Variants in PLEKHA8 observed in about 807,000 individuals in gnomAD.
The protein encoded by PLEKHA8 is pleckstrin homology domain containing A8.
In PLEKHA8, 36 loss-of-function variants were observed where a neutral mutation model predicts 68.2. The observed-to-expected ratio is 0.53, with a 90% CI of 0.40 to 0.70. The LOEUF is 0.70. PLEKHA8 is among the 30% of genes least tolerant of loss of function. PLEKHA8 has a pLI of 0.00. For missense variants in PLEKHA8, 505 were observed against 615.4 expected (o/e 0.82, Z 1.90); for synonymous variants, 211 against 216.1 (o/e 0.98, Z 0.20).
chr7:30,069,822 T>A (rs1223130715), intron 12 of PLEKHA8: 1 of 152,150 alleles, frequency 6.6e-6, no homozygotes, highest in African/African-American at 2.4e-5. Flanking sequence ...AGGAAAAGAA[T>A]TAGGCAAGGT....
Position 30,061,879 on chromosome 7 carries a change from T to A in PLEKHA8, c.1099-18T>A, listed in dbSNP as rs773574690. 6.2e-7 allele frequency: 1 copy of A among 1,613,152 alleles called. No homozygotes were observed. Among genetic ancestry groups the A allele is most frequent in the South Asian group, 1.1e-5 (1 of 91,004 alleles). ...TTCAGCATTTTAAACTTAGGTTGTTTCCCTGCTTTCCCTCCAGAAAGTAAA... is the reference window on the plus strand; with the variant it reads ...TTCAGCATTTTAAACTTAGGTTGTTACCCTGCTTTCCCTCCAGAAAGTAAA... On this transcript the variant is annotated intron_variant, in intron 10 of 13. Coordinates refer to ENST00000449726, the MANE Select transcript of PLEKHA8 (RefSeq NM_001197026.2).
intron 2 of PLEKHA8, among the ~76,000 whole-genome samples, chr7:30,045,986 G>A (rs1292347948): frequency 6.6e-6 from 1 of 152,214 alleles, no homozygotes; most frequent in African/African-American, 2.4e-5. Context: ...TTTTTGTGAT[G>A]CCTTGGAGGC....
intron 1 of PLEKHA8, among the ~76,000 whole-genome samples, chr7:30,034,734 G>A (rs534532799): frequency 1.3e-5 from 2 of 152,138 alleles, no homozygotes; most frequent in Non-Finnish European, 2.9e-5. Flanking sequence ...AAGAAAATCC[G>A]CATGTGCACG....
Position 30,052,725 on chromosome 7 carries a change from A to G in PLEKHA8, c.655A>G (p.Thr219Ala). The change falls in exon 7 of 14, where the codon ACT (threonine) becomes GCT (alanine). Residue 219 changes from threonine (T) to alanine (A), a missense_variant. Physicochemically the swap from Thr to Ala is moderately conservative, Grantham distance 58. Coordinates refer to ENST00000449726, the MANE Select transcript of PLEKHA8 (RefSeq NM_001197026.2). ...NSLERQMELSTCENGSLNMEI... is the reference protein window; with the variant it reads ...NSLERQMELSACENGSLNMEI... ...AATTTGCAGGCAAATGGAGTTGAGC[A>G]CTTGTGAAAATGGATCTTTAAATAT... is the stretch of plus-strand genomic sequence containing the variant. 6.4e-7 allele frequency: 1 copy of G among 1,554,250 alleles called. No individual in the cohort carries two copies. The highest frequency in any genetic ancestry group is 1.4e-5 in the African/African-American group (1 of 70,980).
At chr7:30,071,221 T>C (rs1469941346) in intron 12 of PLEKHA8, among the ~76,000 whole-genome samples, 33 of 152,212 alleles carry the variant, frequency 2.2e-4, no homozygotes, top group Non-Finnish European at 5.9e-5. Flanking sequence ...CACTGTGCCT[T>C]AGGTGGAAGA....
At chr7:30,064,208 G>A (rs1197605546) in intron 12 of PLEKHA8, among the ~76,000 whole-genome samples, 1 of 152,080 alleles carries the variant, frequency 6.6e-6, no homozygotes, top group Non-Finnish European at 1.5e-5. Flanking sequence ...CAAGGTGGTT[G>A]TAAATATTAA....
At position 30,028,889 on chromosome 7, in the gene PLEKHA8, G is replaced by A. The variant is rs371389808; in HGVS notation, c.40+87G>A. ...GGGCGGTGTCTGGACCCGTCTTAGG[G>A]AGGGGGTCACGGCCCTTTCCTGAGG... On this transcript the variant is annotated intron_variant, in intron 1 of 13. Transcript: ENST00000449726. 7.9e-5 allele frequency: 96 copies of A among 1,215,238 alleles called. 1 individual carries two copies. In the African/African-American group the frequency reaches 1.3e-3, roughly 17 times the overall value. 75.3% of individuals were successfully genotyped at this position (1,215,238 alleles called of 1,614,324 possible). A position where few individuals can be genotyped will look rare whatever the true frequency, so the allele number is the denominator to read the frequency against.
In PLEKHA8 at chr7:30,049,465, T is replaced by C. The variant is rs910461540; in HGVS notation, c.597+83T>C. On this transcript the variant is annotated intron_variant, in intron 5 of 13. Transcript: ENST00000449726. ...TAGTGAGTTATGTTCTCTATTACCC[T>C]TTAGTGACTTATAAAGACAGTTTTT... 4 of 1,495,278 alleles carry C rather than the reference T, an allele frequency of 2.7e-6. No individual in the cohort carries two copies. The East Asian group carries it at 7.0e-5, about 26-fold the overall frequency. 92.6% of individuals were successfully genotyped at this position (1,495,278 alleles called of 1,614,324 possible). A position where few individuals can be genotyped will look rare whatever the true frequency, so the allele number is the denominator to read the frequency against.
In PLEKHA8 at chr7:30,099,455, A is replaced by C. The variant is rs549968739; in HGVS notation, c.1362+25323A>C. 7.2e-5 allele frequency among the ~76,000 whole-genome samples: 11 copies of C among 152,344 alleles called. No homozygotes were observed. The South Asian group carries it at 2.3e-3, about 32-fold the overall frequency. ...AATGCATTAGGAACCCAGAGTGCGG[A>C]GTATGTCCTTGTAGGTGAAGGCGAG... On this transcript the variant is annotated intron_variant, in intron 13 of 13. Transcript: ENST00000396257.
intron 7 of PLEKHA8, 31 bp downstream of exon 7, chr7:30,052,897 C>G: frequency 2.0e-6 from 3 of 1,526,876 alleles, no homozygotes; most frequent in Non-Finnish European, 2.6e-6. Context: ...TGAAACAAAC[C>G]AATTTTAGAT....
chr7:30,033,084 A>G (rs1303226700), intron 1 of PLEKHA8, among the ~76,000 whole-genome samples: 1 of 152,234 alleles, frequency 6.6e-6, no homozygotes, highest in Non-Finnish European at 1.5e-5. Flanking sequence ...CTGGAGTATG[A>G]GGATTCTTGG....
chr7:30,041,446 AG>A (rs1791528664), intron 1 of PLEKHA8, among the ~76,000 whole-genome samples: 1 of 144,384 alleles, frequency 6.9e-6, no homozygotes, highest in Non-Finnish European at 1.5e-5. Flanking sequence ...TTTTGAGACA[AG>A]GTCTCACTCT....
Position 30,056,312 on chromosome 7 carries a change from C to CTATATATATA in PLEKHA8, c.1039+981_1039+990dup, listed in dbSNP as rs1554385029. 2.2e-3 allele frequency among the ~76,000 whole-genome samples: 204 copies of CTATATATATA among 94,530 alleles called. 1 individual carries two copies. Among genetic ancestry groups the CTATATATATA allele is most frequent in the East Asian group, 8.0e-3 (28 of 3,502 alleles). 62.0% of individuals were successfully genotyped at this position (94,530 alleles called of 152,430 possible). ...TCTCTCTCTCTCTCTCTCTCTCTCT[C>CTATATATATA]TATATATATATATATATATAAATAA... On this transcript the variant is annotated intron_variant, in intron 9 of 13. Transcript: ENST00000449726.
downstream of PLEKHA8, chr7:30,129,730 A>T (rs1796841314): frequency 5.6e-6 from 1 of 178,844 alleles, no homozygotes; most frequent in African/African-American, 2.4e-5. Context: ...TCAGATCCTT[A>T]TAAGTTCATA....
At chr7:30,036,281 A>AATAGATAG (rs199937331) in intron 1 of PLEKHA8, among the ~76,000 whole-genome samples, 2 of 151,960 alleles carry the variant, frequency 1.3e-5, no homozygotes, top group Non-Finnish European at 1.5e-5. Flanking sequence ...CAAATAAATA[A>AATAGATAG]ATAGATAGAT....
chr7:30,104,713 CTTTTTTTT>C (rs34669397), intron 13 of PLEKHA8, among the ~76,000 whole-genome samples: 2,521 of 102,828 alleles, frequency 0.025, 43 homozygotes, highest in Admixed American at 0.049. Flanking sequence ...GTCACAACAG[CTTTTTTTT>C]TTTTTTTTTT....
chr7:30,038,910 TAA>T (rs76370104), intron 1 of PLEKHA8, among the ~76,000 whole-genome samples: 6 of 140,026 alleles, frequency 4.3e-5, no homozygotes, highest in Admixed American at 2.1e-4. Flanking sequence ...GTTGGGAAAT[TAA>T]AAAAAAAAAA....
At chr7:30,111,403 C>T (rs903382880) in intron 13 of PLEKHA8, among the ~76,000 whole-genome samples, 1 of 151,872 alleles carries the variant, frequency 6.6e-6, no homozygotes, top group African/African-American at 2.4e-5. Flanking sequence ...GTAATTCTTC[C>T]AACTGTGATC....
Position 30,079,769 on chromosome 7 carries a change from G to A in PLEKHA8, c.*982G>A. The A allele has an allele frequency of 1.1e-5, 8 of 740,180 alleles. No homozygotes were observed. The highest frequency in any genetic ancestry group is 1.2e-5 in the Non-Finnish European group (7 of 606,520). The allele number at this position is 740,180 out of a possible 1,614,324, so 45.9% of individuals were successfully genotyped here. A position where few individuals can be genotyped will look rare whatever the true frequency, so the allele number is the denominator to read the frequency against. ...GGCCTAAAGAACCAGAGTCTAGGTG[G>A]TGGGACATAGGAATCTGCATTTCAG... On this transcript the variant is annotated 3_prime_UTR_variant, in exon 14 of 14. Transcript: ENST00000449726.
Sources: gnomAD v4.1 joint callset for allele counts (sites outside exome capture counted in the v4.1 genomes callset) on GRCh38, gnomAD v4.1.1 for gene constraint, MANE v1.5 for transcripts, NCBI Gene and HGNC (gene_info 2026-07-23, HGNC 2026-07-21) for gene names.